The following TMEM131L variants were observed in gnomAD, a reference collection of about 807,000 sequenced individuals.
TMEM131L encodes the protein transmembrane protein 131-like.
A neutral mutation model predicts 192.2 loss-of-function variants in TMEM131L; 54 were observed. That is an observed-to-expected ratio of 0.28 (90% CI 0.23 to 0.35). TMEM131L has a LOEUF of 0.35. TMEM131L is among the 10% of genes least tolerant of loss of function. The pLI is 1.00. For missense variants in TMEM131L, 1,888 were observed against 1,972.9 expected, an observed-to-expected ratio of 0.96 and a Z score of 0.82; for synonymous variants, 701 against 704.9, an observed-to-expected ratio of 0.99 and a Z score of 0.09.
intron 3 of TMEM131L, among the ~76,000 whole-genome samples, chr4:153,492,723 A>G (rs1331396950): frequency 6.6e-6 from 1 of 152,202 alleles, no homozygotes; most frequent in Non-Finnish European, 1.5e-5. Flanking sequence ...CTACACTTAA[A>G]GTGTAAGGTG....
intron 3 of TMEM131L, among the ~76,000 whole-genome samples, chr4:153,486,493 G>T (rs1243831334): frequency 6.6e-6 from 1 of 152,172 alleles, no homozygotes; most frequent in Admixed American, 6.5e-5. Context: ...TTAACAAGAA[G>T]CCTGGAGGCA....
At chr4:153,579,640 T>G (rs1483953375) in intron 7 of TMEM131L, among the ~76,000 whole-genome samples, 3 of 152,070 alleles carry the variant, frequency 2.0e-5, no homozygotes, top group Non-Finnish European at 2.9e-5. Flanking sequence ...CCTGGCTAAT[T>G]CTGGTATTTT....
At chr4:153,574,091 T>C (rs1259763833) in intron 7 of TMEM131L, among the ~76,000 whole-genome samples, 2 of 151,346 alleles carry the variant, frequency 1.3e-5, no homozygotes, top group Non-Finnish European at 2.9e-5. Flanking sequence ...CTTTTATGGC[T>C]GGGGTTTGAT....
chr4:153,486,776 C>T (rs1580048440), intron 3 of TMEM131L, among the ~76,000 whole-genome samples: 1 of 152,208 alleles, frequency 6.6e-6, no homozygotes, highest in East Asian at 1.9e-4. Flanking sequence ...ACTCACCCAC[C>T]CACGCCTGTG....
At chr4:153,579,434 G>C (rs1354968060) in intron 7 of TMEM131L, among the ~76,000 whole-genome samples, 1 of 151,850 alleles carries the variant, frequency 6.6e-6, no homozygotes, top group Non-Finnish European at 1.5e-5. Flanking sequence ...TTCTTTAAAA[G>C]AGTGTTTAAT....
intron 13 of TMEM131L, among the ~76,000 whole-genome samples, 180 bp from the exon 14 acceptor site, chr4:153,586,029 A>G (rs1431754701): frequency 1.3e-5 from 2 of 152,196 alleles, no homozygotes; most frequent in Non-Finnish European, 2.9e-5. Context: ...AAACAGTGTC[A>G]TCTTAAGCAT....
intron 3 of TMEM131L, among the ~76,000 whole-genome samples, chr4:153,537,630 A>G (rs998316969): frequency 5.3e-5 from 8 of 152,174 alleles, no homozygotes; most frequent in African/African-American, 1.9e-4. Context: ...TCTTGTGGCC[A>G]TCTTGGTTTT....
intron 25 of TMEM131L, among the ~76,000 whole-genome samples, chr4:153,605,711 T>C (rs745766629): frequency 2.6e-5 from 4 of 152,264 alleles, no homozygotes; most frequent in Admixed American, 6.5e-5. Flanking sequence ...TTTTGTCTTA[T>C]TTGAAGCATC....
chr4:153,513,657 C>T (rs1734511891), intron 3 of TMEM131L, among the ~76,000 whole-genome samples: 1 of 152,186 alleles, frequency 6.6e-6, no homozygotes, highest in Non-Finnish European at 1.5e-5. Context: ...TCCCATTTCC[C>T]ATCTGGTCTG....
intron 3 of TMEM131L, among the ~76,000 whole-genome samples, chr4:153,541,741 C>CCA (rs1199640309): frequency 6.6e-6 from 1 of 152,150 alleles, no homozygotes; most frequent in Non-Finnish European, 1.5e-5. Flanking sequence ...TCTAGGAAGA[C>CCA]CAAAGAACCA....
chr4:153,624,233 C>T (rs1578892095), intron 29 of TMEM131L, among the ~76,000 whole-genome samples: 1 of 151,928 alleles, frequency 6.6e-6, no homozygotes. Context: ...ATTCTTGTGC[C>T]TCAGCCTCCC....
intron 3 of TMEM131L, among the ~76,000 whole-genome samples, chr4:153,503,474 CATT>C (rs1346014581): frequency 6.6e-6 from 1 of 152,080 alleles, no homozygotes; most frequent in Admixed American, 6.5e-5. Context: ...CAGATTTACT[CATT>C]ATTTATACAA....
intron 19 of TMEM131L, among the ~76,000 whole-genome samples, chr4:153,594,259 C>T (rs1429444584): frequency 2.0e-5 from 3 of 152,140 alleles, no homozygotes; most frequent in Non-Finnish European, 2.9e-5. Context: ...TCTTACTAAA[C>T]TGTGTTCCTG....
At chr4:153,601,191 T>C (rs550919758) in intron 21 of TMEM131L, among the ~76,000 whole-genome samples, 1 of 152,280 alleles carries the variant, frequency 6.6e-6, no homozygotes, top group South Asian at 2.1e-4. Context: ...ATTCATTCAG[T>C]TATTTAGAAT....
chr4:153,467,170 C>A, intron 1 of TMEM131L, 41 bp from the exon 2 acceptor site: 2 of 1,536,744 alleles, frequency 1.3e-6, no homozygotes, highest in South Asian at 2.4e-5. Flanking sequence ...GTTTCTTTAG[C>A]GTGCATTAAA....
chr4:153,531,407 A>G (rs1232842136), intron 3 of TMEM131L, among the ~76,000 whole-genome samples: 1 of 152,216 alleles, frequency 6.6e-6, no homozygotes, highest in Non-Finnish European at 1.5e-5. Context: ...AGATTCCACT[A>G]CAGAGGATAT....
chr4:153,492,436 A>G (rs934854968), intron 3 of TMEM131L, among the ~76,000 whole-genome samples: 7 of 152,246 alleles, frequency 4.6e-5, no homozygotes, highest in Non-Finnish European at 7.3e-5. Flanking sequence ...GAGATTTTCA[A>G]ATATTCTGAA....
At chr4:153,529,230 C>T (rs760998951) in intron 3 of TMEM131L, among the ~76,000 whole-genome samples, 4 of 152,068 alleles carry the variant, frequency 2.6e-5, no homozygotes, top group Non-Finnish European at 5.9e-5. Context: ...TGTACTTGCA[C>T]TGGTAAAAGA....
chr4:153,626,340 A>G, intron 30 of TMEM131L, 115 bp downstream of exon 30: 1 of 655,728 alleles, frequency 1.5e-6, no homozygotes, highest in South Asian at 2.0e-5. Flanking sequence ...AAACTTTTTA[A>G]AGATGCAGGA....
Sources: gnomAD v4.1 joint callset for allele counts (sites outside exome capture counted in the v4.1 genomes callset) on GRCh38, gnomAD v4.1.1 for gene constraint, MANE v1.5 for transcripts, NCBI Gene and HGNC (gene_info 2026-07-23, HGNC 2026-07-21) for gene names.